FGF14: variants seen among roughly 807,000 people sequenced by gnomAD.
FGF14 encodes fibroblast growth factor homologous factor 4.
Under a neutral mutation model 25.5 loss-of-function variants are expected in FGF14, and 5 were observed. That is an observed-to-expected ratio of 0.20 (90% CI 0.10 to 0.41). The LOEUF (loss-of-function observed/expected upper bound fraction) is 0.41, where lower values mean the gene tolerates loss of function less well. Ranked by LOEUF, FGF14 falls within the 10% of genes least tolerant of loss-of-function variation. The probability of loss-of-function intolerance (pLI) is 1.00; values close to 1 mark genes in which losing one functional copy is unlikely to be tolerated. For missense variants in FGF14, 222 were observed against 320.1 expected (o/e 0.69, Z 2.34); for synonymous variants, 138 against 118.3 (o/e 1.17, Z -1.08).
At chr13:102,347,803 A>G (rs1487803524) in intron 1 of FGF14, among the ~76,000 whole-genome samples, 1 of 152,160 alleles carries the variant, frequency 6.6e-6, no homozygotes, top group Non-Finnish European at 1.5e-5. Flanking sequence ...CGAAATTCGA[A>G]TGGAATCATA....
chr13:102,189,060 A>AAAAG (rs1413790915), intron 1 of FGF14, among the ~76,000 whole-genome samples: 1 of 148,266 alleles, frequency 6.7e-6, no homozygotes, highest in East Asian at 1.9e-4. Context: ...ATGAAAGAAG[A>AAAAG]AAAGAAAGAA....
At chr13:101,780,632 AG>A (rs1478097299) in intron 3 of FGF14, among the ~76,000 whole-genome samples, 2 of 152,084 alleles carry the variant, frequency 1.3e-5, no homozygotes, top group African/African-American at 4.8e-5. Context: ...AGGTGGGGAA[AG>A]GGGTGGTGCA....
At chr13:101,799,193 T>G (rs1594290442) in intron 3 of FGF14, among the ~76,000 whole-genome samples, 1 of 152,202 alleles carries the variant, frequency 6.6e-6, no homozygotes, top group East Asian at 1.9e-4. Context: ...GAATGGGAGG[T>G]TGGAGACTTT....
intron 1 of FGF14, among the ~76,000 whole-genome samples, chr13:102,368,958 G>C (rs190175648): frequency 6.6e-6 from 1 of 152,296 alleles, no homozygotes; most frequent in Admixed American, 6.5e-5. Context: ...CAGCCATCCT[G>C]TGCCAAGTCA....
At chr13:102,369,105 A>G (rs1302981513) in intron 1 of FGF14, among the ~76,000 whole-genome samples, 1 of 152,190 alleles carries the variant, frequency 6.6e-6, no homozygotes, top group Admixed American at 6.5e-5. Flanking sequence ...CAAAACTGGA[A>G]TCATTGGCCC....
intron 1 of FGF14, among the ~76,000 whole-genome samples, chr13:102,022,402 A>T (rs1424441077): frequency 6.6e-6 from 1 of 152,154 alleles, no homozygotes; most frequent in Non-Finnish European, 1.5e-5. Flanking sequence ...TCTTGGAGTC[A>T]TAAGAGCAAG....
chr13:101,874,890 T>C (rs953997712), intron 2 of FGF14, among the ~76,000 whole-genome samples: 1 of 152,148 alleles, frequency 6.6e-6, no homozygotes, highest in African/African-American at 2.4e-5. Context: ...GTGTACTTAC[T>C]TAACTTTTAC....
intron 3 of FGF14, among the ~76,000 whole-genome samples, chr13:101,811,593 T>C (rs2041512893): frequency 6.6e-6 from 1 of 152,206 alleles, no homozygotes; most frequent in South Asian, 2.1e-4. Context: ...TTTTTATGTG[T>C]ACACATATGT....
intron 1 of FGF14, among the ~76,000 whole-genome samples, chr13:102,090,093 A>AT (rs1195631582): frequency 1.3e-5 from 2 of 152,238 alleles, no homozygotes; most frequent in Non-Finnish European, 2.9e-5. Flanking sequence ...AACTACCTAG[A>AT]TAAAAAGGTC....
intron 1 of FGF14, among the ~76,000 whole-genome samples, chr13:102,023,546 A>C (rs2040778171): frequency 6.6e-6 from 1 of 152,028 alleles, no homozygotes; most frequent in African/African-American, 2.4e-5. Flanking sequence ...TCTAATTTTC[A>C]AAATTTTATC....
chr13:102,369,210 G>C (rs1304353589), intron 1 of FGF14, among the ~76,000 whole-genome samples: 2 of 152,074 alleles, frequency 1.3e-5, no homozygotes, highest in Admixed American at 1.3e-4. Context: ...GACACTTTTT[G>C]GTGTTCTGTC....
At chr13:102,138,770 G>T (rs995137768) in intron 1 of FGF14, among the ~76,000 whole-genome samples, 8 of 152,306 alleles carry the variant, frequency 5.3e-5, no homozygotes, top group Middle Eastern at 3.4e-3. Context: ...CAATAAATGT[G>T]CCATTAAGTG....
intron 1 of FGF14, among the ~76,000 whole-genome samples, chr13:102,147,680 C>T (rs58740845): frequency 0.048 from 7,262 of 152,132 alleles, 371 homozygotes; most frequent in East Asian, 0.2. Context: ...AGCACAGAAG[C>T]CCAGAGTCCT....
intron 3 of FGF14, among the ~76,000 whole-genome samples, chr13:101,754,972 T>C (rs1320475235): frequency 6.6e-6 from 1 of 152,160 alleles, no homozygotes; most frequent in Non-Finnish European, 1.5e-5. Flanking sequence ...CATATCTTTT[T>C]GCCTAAGAAC....
At chr13:101,998,986 A>G (rs2039334978) in intron 1 of FGF14, among the ~76,000 whole-genome samples, 1 of 152,224 alleles carries the variant, frequency 6.6e-6, no homozygotes, top group Non-Finnish European at 1.5e-5. Flanking sequence ...CTAGTATTCT[A>G]AGAGGTTCAC....
chr13:102,225,953 A>C (rs1390099480), intron 1 of FGF14, among the ~76,000 whole-genome samples: 5 of 152,140 alleles, frequency 3.3e-5, no homozygotes, highest in African/African-American at 1.2e-4. Context: ...TCATTGTTTC[A>C]ATTTGTGAAA....
chr13:101,980,611 T>G (rs1021740427), intron 1 of FGF14, among the ~76,000 whole-genome samples: 1 of 152,176 alleles, frequency 6.6e-6, no homozygotes, highest in African/African-American at 2.4e-5. Context: ...ACATCTCTTA[T>G]GGGTTCCGCA....
At chr13:102,148,396 C>T (rs1187983368) in intron 1 of FGF14, among the ~76,000 whole-genome samples, 1 of 152,024 alleles carries the variant, frequency 6.6e-6, no homozygotes, top group African/African-American at 2.4e-5. Context: ...TAATTTGGTT[C>T]AATATTGCCC....
chr13:101,772,959 A>G (rs1166568185), intron 3 of FGF14, among the ~76,000 whole-genome samples: 2 of 152,134 alleles, frequency 1.3e-5, no homozygotes, highest in Non-Finnish European at 2.9e-5. Flanking sequence ...CTAAACATAA[A>G]AAATATATAG....
Sources: allele counts gnomAD v4.1 joint callset (sites outside exome capture counted in the v4.1 genomes callset), GRCh38; gene constraint gnomAD v4.1.1; transcripts MANE v1.5; gene names NCBI Gene and HGNC (gene_info 2026-07-23, HGNC 2026-07-21).